The following SLC30A9 variants were observed in gnomAD, a reference collection of about 807,000 sequenced individuals.
SLC30A9 encodes proton-coupled zinc antiporter SLC30A9, mitochondrial.
SLC30A9 carries 58 observed loss-of-function variants against 87.5 expected under a neutral mutation model. That is an observed-to-expected ratio of 0.66 (90% CI 0.54 to 0.82). The LOEUF (loss-of-function observed/expected upper bound fraction) is 0.82. Among genes scored for constraint, SLC30A9 ranks in the 40% least tolerant of loss-of-function variants. SLC30A9 has a pLI of 0.00. For synonymous variants in SLC30A9, 234 were observed against 233.0 expected (o/e 1.00, Z -0.04); for missense variants, 557 against 679.1 (o/e 0.82, Z 2.00).
At chr4:42,051,858 G>A (rs890667726) in intron 9 of SLC30A9, among the ~76,000 whole-genome samples, 16 of 151,892 alleles carry the variant, frequency 1.1e-4, no homozygotes, top group Middle Eastern at 3.2e-3. Flanking sequence ...GCTTTAATGA[G>A]GCTAGTATAA....
intron 15 of SLC30A9, among the ~76,000 whole-genome samples, chr4:42,072,892 G>C (rs9291210): frequency 0.67 from 100,476 of 150,402 alleles, 37,195 homozygotes; most frequent in East Asian, 0.96. Context: ...TGGCTCACTG[G>C]AACCTCCGCC....
intron 2 of SLC30A9, among the ~76,000 whole-genome samples, chr4:42,004,747 C>A (rs941789792): frequency 1.4e-5 from 2 of 143,318 alleles, no homozygotes; most frequent in African/African-American, 5.0e-5. Flanking sequence ...GCAGCCTTGA[C>A]CTCCGGGGCT....
chr4:42,048,066 G>A (rs1267130699), intron 8 of SLC30A9, among the ~76,000 whole-genome samples: 1 of 152,018 alleles, frequency 6.6e-6, no homozygotes, highest in Non-Finnish European at 1.5e-5. Context: ...ATCACACACT[G>A]GGGCCTATTG....
intron 17 of SLC30A9, among the ~76,000 whole-genome samples, chr4:42,080,882 G>A (rs1718720806): frequency 6.6e-6 from 1 of 152,100 alleles, no homozygotes; most frequent in Non-Finnish European, 1.5e-5. Context: ...TTAGTATTTT[G>A]GAAAATACTG....
At chr4:42,061,791 T>G (rs1280572733) in intron 10 of SLC30A9, among the ~76,000 whole-genome samples, 2 of 151,782 alleles carry the variant, frequency 1.3e-5, no homozygotes, top group Non-Finnish European at 2.9e-5. Context: ...TCCCAGCTAC[T>G]CGGGAAGCTG....
At chr4:42,058,201 C>T (rs1717702827) in intron 9 of SLC30A9, among the ~76,000 whole-genome samples, 1 of 151,854 alleles carries the variant, frequency 6.6e-6, no homozygotes, top group African/African-American at 2.4e-5. Context: ...CACTCTAAAT[C>T]ATCTCTCTCA....
At chr4:42,068,662 C>T (rs1279033902) in intron 14 of SLC30A9, among the ~76,000 whole-genome samples, 1 of 152,148 alleles carries the variant, frequency 6.6e-6, no homozygotes, top group Non-Finnish European at 1.5e-5. Flanking sequence ...AGGACTTAAC[C>T]GTATATTGTG....
At chr4:42,036,243 T>C (rs1264281009) in intron 7 of SLC30A9, among the ~76,000 whole-genome samples, 1 of 152,212 alleles carries the variant, frequency 6.6e-6, no homozygotes, top group African/African-American at 2.4e-5. Context: ...ATTGAAAAAA[T>C]AGGTGTAATT....
intron 12 of SLC30A9, 113 bp from the exon 13 acceptor site, chr4:42,066,437 T>C (rs567558433): frequency 1.7e-6 from 1 of 572,860 alleles, no homozygotes; most frequent in African/African-American, 1.9e-5. Context: ...TTGTCCTTAT[T>C]GCCAACCCTA....
At chr4:42,078,348 A>C (rs375985309) in intron 17 of SLC30A9, 23 bp downstream of exon 17, 2 of 1,210,658 alleles carry the variant, frequency 1.7e-6, no homozygotes, top group Admixed American at 3.9e-5. Context: ...CATAAAAATA[A>C]CATAATGATA....
Position 42,047,950 on chromosome 4 carries a change from C to G in SLC30A9, c.738-1427C>G, listed in dbSNP as rs146277137. On this transcript the variant is annotated intron_variant, in intron 8 of 17. Transcript: ENST00000264451. ...CAGGGACATGGATGAAGCTGGAAAC[C>G]ATCATTCTCAGCAGACTAGCACAAG... is the stretch of plus-strand genomic sequence containing the variant. Among the ~76,000 whole-genome samples, 1,375 of 152,154 alleles carry G rather than the reference C, an allele frequency of 9.0e-3. 9 individuals carry two copies. Among genetic ancestry groups the G allele is most frequent in the Middle Eastern group, 0.017 (5 of 294 alleles).
chr4:42,026,239 G>A (rs1716187106), intron 6 of SLC30A9, among the ~76,000 whole-genome samples: 3 of 152,192 alleles, frequency 2.0e-5, no homozygotes, highest in African/African-American at 4.8e-5. Flanking sequence ...GGAAATTCTG[G>A]TGTACTATTC....
At chr4:42,004,215 C>A (rs1404339241) in intron 2 of SLC30A9, among the ~76,000 whole-genome samples, 6 of 152,298 alleles carry the variant, frequency 3.9e-5, no homozygotes, top group African/African-American at 4.8e-5. Context: ...TATTTGACAG[C>A]ATTTTAAATT....
intron 12 of SLC30A9, among the ~76,000 whole-genome samples, chr4:42,066,229 G>T (rs1278474359): frequency 2.0e-5 from 3 of 152,122 alleles, no homozygotes; most frequent in Non-Finnish European, 4.4e-5. Flanking sequence ...GAAAGTCTAT[G>T]AAATGGTTAT....
chr4:42,067,182 T>G lies in SLC30A9; in HGVS notation c.1242T>G (p.Thr414=). The change falls in exon 14 of 18, where the codon ACT becomes ACG. Residue 414 remains threonine (T), a synonymous_variant. Transcript: ENST00000264451. ...VIIAATCMGL[T]SITGNPLYDS... ...TAGCAGCCACTTGCATGGGCCTTAC[T>G]TCTATAACAGGTAAATATTCCTTAA... 6.3e-7 allele frequency: 1 copy of G among 1,577,326 alleles called. No individual in the cohort carries two copies. The highest frequency in any genetic ancestry group is 8.7e-7 in the Non-Finnish European group (1 of 1,146,902).
chr4:42,070,550 G>A lies in SLC30A9; in HGVS notation c.1277G>A (p.Gly426Asp). The stretch of plus-strand genomic sequence containing the variant: ...GGCAATCCACTGTATGACAGCCTAG[G>A]TTCTTTGGGTGTGGGCACCTTATTA... ...ITGNPLYDSL[G>D]SLGVGTLLGM... Residue 426 changes from glycine (G) to aspartate (D), a missense_variant, in exon 15 of 18, where the codon GGT (glycine) becomes GAT (aspartate). Coordinates refer to ENST00000264451, the MANE Select transcript of SLC30A9 (RefSeq NM_006345.4). The A allele has an allele frequency of 6.2e-7, 1 of 1,613,366 alleles. No individual in the cohort carries two copies. Among genetic ancestry groups the A allele is most frequent in the Non-Finnish European group, 8.5e-7 (1 of 1,179,632 alleles).
chr4:42,073,613 G>A (rs1194859421), intron 15 of SLC30A9, among the ~76,000 whole-genome samples: 1 of 152,146 alleles, frequency 6.6e-6, no homozygotes, highest in Non-Finnish European at 1.5e-5. Flanking sequence ...GGTGTTGACT[G>A]GGATTATAGT....
intron 1 of SLC30A9, among the ~76,000 whole-genome samples, chr4:41,997,652 C>T (rs1001294254): frequency 8.6e-5 from 13 of 151,990 alleles, no homozygotes; most frequent in East Asian, 1.9e-4. Context: ...TAGTTACCTG[C>T]CGTAATTTAA....
intron 6 of SLC30A9, chr4:42,029,960 C>T: frequency 1.1e-6 from 1 of 873,214 alleles, no homozygotes; most frequent in Non-Finnish European, 1.9e-6. Context: ...ATGGCAAACT[C>T]CTGCAGCCCA....
Sources: allele counts gnomAD v4.1 joint callset (sites outside exome capture counted in the v4.1 genomes callset), GRCh38; gene constraint gnomAD v4.1.1; transcripts MANE v1.5; gene names NCBI Gene and HGNC (gene_info 2026-07-23, HGNC 2026-07-21).